The following TMTC2 variants were observed in gnomAD, a reference collection of about 807,000 sequenced individuals.
The protein encoded by TMTC2 is transmembrane O-mannosyltransferase targeting cadherins 2, also known as protein O-mannosyl-transferase TMTC2.
In TMTC2, 43 loss-of-function variants were observed where a neutral mutation model predicts 82.4. The ratio of observed to expected loss-of-function variants is 0.52; its 90% CI spans 0.41 to 0.67. The LOEUF (loss-of-function observed/expected upper bound fraction) is 0.67, where lower values mean the gene tolerates loss of function less well. TMTC2 is among the 30% of genes least tolerant of loss of function. The pLI is 0.00. For missense variants in TMTC2, 919 were observed against 1,012.4 expected, an observed-to-expected ratio of 0.91 and a Z score of 1.25; for synonymous variants, 408 against 381.9, an observed-to-expected ratio of 1.07 and a Z score of -0.80.
At chr12:82,818,609 C>G (rs1454931227) in intron 1 of TMTC2, among the ~76,000 whole-genome samples, 1 of 152,144 alleles carries the variant, frequency 6.6e-6, no homozygotes, top group East Asian at 1.9e-4. Context: ...TGATTGTGGA[C>G]ATGATGAAGA....
At chr12:82,708,011 G>A (rs1251001678) in intron 1 of TMTC2, among the ~76,000 whole-genome samples, 9 of 152,134 alleles carry the variant, frequency 5.9e-5, no homozygotes, top group Admixed American at 2.6e-4. Flanking sequence ...TATCTGTCTC[G>A]AGGGTGAGCA....
At chr12:82,698,074 G>A (rs1341363409) in intron 1 of TMTC2, among the ~76,000 whole-genome samples, 1 of 152,086 alleles carries the variant, frequency 6.6e-6, no homozygotes, top group Non-Finnish European at 1.5e-5. Flanking sequence ...TTTTTAACCT[G>A]GTACACTTAA....
At chr12:82,757,585 T>C (rs1876406549) in intron 1 of TMTC2, among the ~76,000 whole-genome samples, 1 of 152,236 alleles carries the variant, frequency 6.6e-6, no homozygotes, top group African/African-American at 2.4e-5. Context: ...TCTGCAGTTA[T>C]GAGGTTACTC....
chr12:82,777,710 C>T (rs1877669142), intron 1 of TMTC2, among the ~76,000 whole-genome samples: 1 of 152,012 alleles, frequency 6.6e-6, no homozygotes, highest in Non-Finnish European at 1.5e-5. Context: ...GTTTATATAC[C>T]ATCTCATTCC....
intron 3 of TMTC2, among the ~76,000 whole-genome samples, chr12:82,910,991 C>T (rs1388465748): frequency 6.6e-6 from 1 of 152,006 alleles, no homozygotes; most frequent in Non-Finnish European, 1.5e-5. Flanking sequence ...CGCCATTCTC[C>T]TGCCTCAGCC....
intron 1 of TMTC2, among the ~76,000 whole-genome samples, chr12:82,796,539 C>T (rs1878725305): frequency 6.6e-6 from 1 of 152,104 alleles, no homozygotes. Flanking sequence ...TAACTTTAGC[C>T]TATTCCAGCA....
chr12:82,688,591 G>A (rs1459863163), intron 1 of TMTC2, among the ~76,000 whole-genome samples: 3 of 152,142 alleles, frequency 2.0e-5, no homozygotes, highest in African/African-American at 7.2e-5. Context: ...GTCTTAATCT[G>A]ATTACAATTA....
intron 8 of TMTC2, among the ~76,000 whole-genome samples, chr12:83,007,136 G>T (rs777069325): frequency 6.6e-6 from 1 of 150,568 alleles, no homozygotes; most frequent in South Asian, 2.1e-4. Flanking sequence ...AAAAAAATTC[G>T]AACTCTCAGT....
intron 10 of TMTC2, among the ~76,000 whole-genome samples, chr12:83,060,334 A>G (rs573189575): frequency 3.3e-5 from 5 of 151,720 alleles, no homozygotes; most frequent in Admixed American, 2.6e-4. Flanking sequence ...ATATGGTTGC[A>G]TGGGGTATGT....
chr12:82,937,771 T>TATATATATATATATATAC (rs1876442687), intron 4 of TMTC2, among the ~76,000 whole-genome samples: 1 of 24,016 alleles, frequency 4.2e-5, no homozygotes, highest in African/African-American at 1.3e-4. Context: ...TATATATATA[T>TATATATATATATATATAC]ATATATATAT....
At chr12:82,730,182 C>T (rs1592881665) in intron 1 of TMTC2, among the ~76,000 whole-genome samples, 2 of 150,846 alleles carry the variant, frequency 1.3e-5, no homozygotes, top group African/African-American at 2.4e-5. Context: ...GGAGTCCCAG[C>T]TATTCAGGAG....
intron 9 of TMTC2, among the ~76,000 whole-genome samples, chr12:83,033,664 T>C (rs370549001): frequency 1.2e-4 from 18 of 151,868 alleles, no homozygotes; most frequent in East Asian, 1.2e-3. Context: ...GGCAGGAGAA[T>C]CACTTGAACC....
chr12:83,042,035 C>G (rs930278329), intron 9 of TMTC2, among the ~76,000 whole-genome samples: 9 of 152,180 alleles, frequency 5.9e-5, no homozygotes, highest in Non-Finnish European at 2.9e-5. Context: ...GCAATTTATT[C>G]TTCTGCCTTA....
intron 11 of TMTC2, among the ~76,000 whole-genome samples, chr12:83,117,424 G>C (rs562087523): frequency 1.2e-3 from 187 of 152,246 alleles, no homozygotes; most frequent in South Asian, 1.0e-2. Context: ...AATTCACTAC[G>C]ATCAAGTGGG....
At position 82,735,566 on chromosome 12, in the gene TMTC2, C is replaced by T. The variant is rs368862768; in HGVS notation, c.83+47897C>T. On this transcript the variant is annotated intron_variant, in intron 1 of 11. Transcript: ENST00000321196. ...TTCACTGTGTTAGCCAGGATGGTCT[C>T]GATCTCCTGACCTTGTGATCCGCCC... is the stretch of plus-strand genomic sequence containing the variant. 3.2e-3 allele frequency among the ~76,000 whole-genome samples: 480 copies of T among 151,906 alleles called. 8 individuals carry two copies. Among genetic ancestry groups the T allele is most frequent in the African/African-American group, 9.9e-3 (413 of 41,512 alleles).
rs1469923249 is a variant in TMTC2, at chr12:82,720,349, G to A, written c.83+32680G>A. Among the ~76,000 whole-genome samples the A allele has an allele frequency of 3.3e-5, 5 of 152,138 alleles. 1 individual carries two copies. Among genetic ancestry groups the A allele is most frequent in the Admixed American group, 3.3e-4 (5 of 15,276 alleles). ...TTTCATAACTGGCCTCTTTTACTTA[G>A]CAAAATATTTATAAGGTTTATCATG... On this transcript the variant is annotated intron_variant, in intron 1 of 11. Transcript: ENST00000321196.
At chr12:82,753,349 A>G (rs995362832) in intron 1 of TMTC2, among the ~76,000 whole-genome samples, 9 of 139,004 alleles carry the variant, frequency 6.5e-5, no homozygotes, top group African/African-American at 2.1e-4. Flanking sequence ...TTTTGAGGAG[A>G]AGTTTTCTGG....
rs762617222 is a variant in TMTC2, at chr12:82,965,064, C to G, written c.1639C>G (p.Leu547Val). ...LQENSRFAEA[L>V]HYYKLAIGSR... ...GGAGAACAGCAGGTTTGCAGAAGCACTACATTATTATAAATTGGCCATTGG... is the reference window on the plus strand; with the variant it reads ...GGAGAACAGCAGGTTTGCAGAAGCAGTACATTATTATAAATTGGCCATTGG... The change falls in exon 5 of 12, where the codon CTA (leucine) becomes GTA (valine). Residue 547 changes from leucine to valine, a missense_variant. Coordinates refer to ENST00000321196, the MANE Select transcript of TMTC2 (RefSeq NM_152588.3). 1 of 1,612,612 alleles carries G rather than the reference C, an allele frequency of 6.2e-7. No individual in the cohort carries two copies. Among genetic ancestry groups the G allele is most frequent in the Non-Finnish European group, 8.5e-7 (1 of 1,179,044 alleles).
intron 1 of TMTC2, among the ~76,000 whole-genome samples, chr12:82,828,871 G>A (rs117248914): frequency 2.6e-5 from 4 of 152,154 alleles, no homozygotes; most frequent in Non-Finnish European, 4.4e-5. Flanking sequence ...GGAAATTTAT[G>A]TATTGCTTAA....
Sources: allele counts gnomAD v4.1 joint callset (sites outside exome capture counted in the v4.1 genomes callset), GRCh38; gene constraint gnomAD v4.1.1; transcripts MANE v1.5; gene names NCBI Gene and HGNC (gene_info 2026-07-23, HGNC 2026-07-21).